The following MYT1L variants were observed in gnomAD, a reference collection of about 807,000 sequenced individuals.
MYT1L encodes myelin transcription factor 1-like protein.
A neutral mutation model predicts 126.7 loss-of-function variants in MYT1L; 12 were observed. That is an observed-to-expected ratio of 0.09 (90% confidence interval 0.06 to 0.15). The LOEUF (loss-of-function observed/expected upper bound fraction) is 0.15. MYT1L is among the 10% of genes least tolerant of loss of function. The probability of loss-of-function intolerance (pLI) is 1.00; values close to 1 mark genes in which losing one functional copy is unlikely to be tolerated. For synonymous variants in MYT1L, 541 were observed against 604.2 expected (o/e 0.90, Z 1.53); for missense variants, 979 against 1,585.2 (o/e 0.62, Z 6.49).
intron 4 of MYT1L, among the ~76,000 whole-genome samples, chr2:2,001,041 A>C (rs1257958497): frequency 1.3e-5 from 2 of 152,168 alleles, no homozygotes; most frequent in South Asian, 4.1e-4. Context: ...TGATGTGTTT[A>C]GGTTTGTCAA....
At chr2:1,908,137 C>T (rs765723836) in intron 13 of MYT1L, among the ~76,000 whole-genome samples, 2 of 152,236 alleles carry the variant, frequency 1.3e-5, no homozygotes, top group Non-Finnish European at 1.5e-5. Context: ...AGCCTCTGCT[C>T]GGTTGGCATT....
intron 9 of MYT1L, among the ~76,000 whole-genome samples, chr2:1,941,156 C>A (rs1348970704): frequency 6.6e-6 from 1 of 152,186 alleles, no homozygotes; most frequent in African/African-American, 2.4e-5. Context: ...GAAATATTTA[C>A]ATTTGACCAT....
intron 8 of MYT1L, among the ~76,000 whole-genome samples, chr2:1,971,907 C>A (rs953370581): frequency 6.6e-6 from 1 of 152,166 alleles, no homozygotes; most frequent in Non-Finnish European, 1.5e-5. Flanking sequence ...CCCAAGTAAA[C>A]CCCTAGACCT....
intron 8 of MYT1L, among the ~76,000 whole-genome samples, chr2:1,957,538 C>T (rs1180221973): frequency 3.3e-5 from 5 of 152,132 alleles, no homozygotes; most frequent in African/African-American, 7.2e-5. Flanking sequence ...TCAATCTTCC[C>T]CACTCTATCA....
intron 18 of MYT1L, among the ~76,000 whole-genome samples, chr2:1,872,161 C>T (rs115362454): frequency 5.3e-5 from 8 of 151,994 alleles, no homozygotes; most frequent in African/African-American, 9.7e-5. Flanking sequence ...TCTACATGAA[C>T]GGGAAACAGA....
At chr2:1,813,712 A>G (rs539442344) in intron 21 of MYT1L, among the ~76,000 whole-genome samples, 24 of 152,204 alleles carry the variant, frequency 1.6e-4, no homozygotes, top group African/African-American at 5.5e-4. Context: ...TCCAGAAACC[A>G]TCCCACCCCT....
At chr2:2,323,479 G>A (rs760733638) in intron 1 of MYT1L, among the ~76,000 whole-genome samples, 4 of 152,028 alleles carry the variant, frequency 2.6e-5, no homozygotes, top group Non-Finnish European at 5.9e-5. Context: ...TTGCCTTTTC[G>A]GGAGAATAGG....
At chr2:2,239,541 T>C (rs1250771712) in intron 2 of MYT1L, among the ~76,000 whole-genome samples, 1 of 152,226 alleles carries the variant, frequency 6.6e-6, no homozygotes, top group African/African-American at 2.4e-5. Context: ...AGGAATAGCT[T>C]CAAACTCTGA....
intron 2 of MYT1L, among the ~76,000 whole-genome samples, chr2:2,191,576 A>G (rs938932668): frequency 3.3e-5 from 5 of 152,208 alleles, no homozygotes; most frequent in Non-Finnish European, 7.3e-5. Flanking sequence ...GGGAAAGTGC[A>G]CTAATGCCAT....
At chr2:2,005,847 G>GCTTT (rs2063252823) in intron 4 of MYT1L, among the ~76,000 whole-genome samples, 1 of 144,606 alleles carries the variant, frequency 6.9e-6, no homozygotes, top group African/African-American at 2.6e-5. Context: ...TTTCCTGCCT[G>GCTTT]CTTTCTTTCC....
chr2:2,126,269 C>T (rs532237210), intron 3 of MYT1L, among the ~76,000 whole-genome samples: 1 of 152,218 alleles, frequency 6.6e-6, no homozygotes, highest in African/African-American at 2.4e-5. Context: ...GCTCAATAAA[C>T]AATGATCCTC....
At chr2:1,877,195 C>A (rs1413827894) in intron 18 of MYT1L, among the ~76,000 whole-genome samples, 2 of 152,290 alleles carry the variant, frequency 1.3e-5, no homozygotes, top group African/African-American at 2.4e-5. Context: ...CTTCAGAATG[C>A]CTGGATTCCT....
intron 2 of MYT1L, among the ~76,000 whole-genome samples, chr2:2,191,558 G>T (rs927498695): frequency 1.3e-5 from 2 of 152,182 alleles, no homozygotes; most frequent in Non-Finnish European, 2.9e-5. Context: ...CCCAGGGGAA[G>T]AAATGCTGGG....
chr2:2,219,660 C>T (rs113009634), intron 2 of MYT1L, among the ~76,000 whole-genome samples: 19,739 of 152,182 alleles, frequency 0.13, 1,305 homozygotes, highest in Non-Finnish European at 0.14. Context: ...TCCTCCTTCC[C>T]TTGTTCTCCT....
intron 3 of MYT1L, among the ~76,000 whole-genome samples, chr2:2,121,659 G>A (rs1351704776): frequency 6.6e-6 from 1 of 151,820 alleles, no homozygotes; most frequent in Admixed American, 6.6e-5. Context: ...GCTAATTTTT[G>A]TATTTTTGGT....
Position 2,004,399 on chromosome 2 carries a change from ATGCGTTCTTTCCTGC to A in MYT1L, c.-157-7067_-157-7053del, listed in dbSNP as rs2062891245. ...CTTTCCTGCAGGCGTTCTTTCCTGC[ATGCGTTCTTTCCTGC>A]ATGCGTTCTTTCCTGCATGCGTTCT... On this transcript the variant is annotated intron_variant, in intron 4 of 24. Coordinates refer to ENST00000647738, the MANE Select transcript of MYT1L (RefSeq NM_001303052.2). 6.9e-5 allele frequency among the ~76,000 whole-genome samples: 9 copies of A among 130,238 alleles called. 1 individual carries two copies. The highest frequency in any genetic ancestry group is 3.0e-4 in the African/African-American group (9 of 29,530). The allele number at this position is 130,238 out of a possible 152,430, so 85.4% of individuals were successfully genotyped here.
At chr2:2,038,669 A>AT (rs113485888) in intron 4 of MYT1L, among the ~76,000 whole-genome samples, 126 of 149,446 alleles carry the variant, frequency 8.4e-4, no homozygotes, top group African/African-American at 2.5e-3. Flanking sequence ...TTTGCTTAGA[A>AT]TTTTTTTTTT....
At chr2:1,794,275 C>T (rs554945812) in intron 23 of MYT1L, among the ~76,000 whole-genome samples, 7 of 152,368 alleles carry the variant, frequency 4.6e-5, no homozygotes, top group East Asian at 1.9e-4. Flanking sequence ...TGGCCCTCAG[C>T]GGGCCCTCCT....
At chr2:2,330,392 A>G (rs2096277692) in intron 1 of MYT1L, among the ~76,000 whole-genome samples, 1 of 152,154 alleles carries the variant, frequency 6.6e-6, no homozygotes, top group Non-Finnish European at 1.5e-5. Flanking sequence ...TAAAGTGTAG[A>G]GTTTAATCTT....
Sources: gnomAD v4.1 joint callset for allele counts (sites outside exome capture counted in the v4.1 genomes callset) on GRCh38, gnomAD v4.1.1 for gene constraint, MANE v1.5 for transcripts, NCBI Gene and HGNC (gene_info 2026-07-23, HGNC 2026-07-21) for gene names.